PTPRG: variants seen among roughly 807,000 people sequenced by gnomAD.
The protein encoded by PTPRG is protein tyrosine phosphatase receptor type G, also known as receptor-type tyrosine-protein phosphatase gamma.
A neutral mutation model predicts 165.3 loss-of-function variants in PTPRG; 102 were observed. That is an observed-to-expected ratio of 0.62 (90% confidence interval 0.53 to 0.73). The LOEUF is 0.73. PTPRG is among the 30% of genes least tolerant of loss of function. PTPRG has a pLI of 0.00. For missense variants in PTPRG, 1,866 were observed against 1,861.4 expected (o/e 1.00, Z -0.05); for synonymous variants, 675 against 669.5 (o/e 1.01, Z -0.13).
At chr3:61,881,927 C>T (rs1391289437) in intron 2 of PTPRG, among the ~76,000 whole-genome samples, 1 of 152,186 alleles carries the variant, frequency 6.6e-6, no homozygotes, top group South Asian at 2.1e-4. Context: ...TCCTGCCCAA[C>T]TCTTTCAGTT....
chr3:62,178,654 C>T (rs1421230910), intron 8 of PTPRG, among the ~76,000 whole-genome samples: 1 of 152,188 alleles, frequency 6.6e-6, no homozygotes, highest in African/African-American at 2.4e-5. Context: ...CAGGCAGAAT[C>T]GGCTGTTATG....
At chr3:61,649,022 A>G (rs938375076) in intron 1 of PTPRG, among the ~76,000 whole-genome samples, 1 of 152,208 alleles carries the variant, frequency 6.6e-6, no homozygotes, top group Non-Finnish European at 1.5e-5. Flanking sequence ...GTTTATTACC[A>G]AGGTTAAAAA....
rs995959667 is a variant in PTPRG at position 62,273,357 on chromosome 3, CAT to C, written c.3318+277_3318+278del. 1.3e-5 allele frequency among the ~76,000 whole-genome samples: 2 copies of C among 152,096 alleles called. No individual in the cohort carries two copies. Among genetic ancestry groups the C allele is most frequent in the African/African-American group, 4.8e-5 (2 of 41,416 alleles). Reference sequence around the variant, plus strand: ...GTGTTAGATGGTAGGGGGAGTTAAACATGTTGTCTGGCCTGAGAAATACATAG... The same window carrying C: ...GTGTTAGATGGTAGGGGGAGTTAAACGTTGTCTGGCCTGAGAAATACATAG... On this transcript the variant is annotated intron_variant, in intron 22 of 29. Coordinates refer to ENST00000474889, the MANE Select transcript of PTPRG (RefSeq NM_002841.4). This position sits in a 1 kb window ranked among gnomAD's most constrained non-coding sequence, Gnocchi z 4.1.
intron 6 of PTPRG, among the ~76,000 whole-genome samples, chr3:62,140,680 C>T (rs142817371): frequency 1.3e-5 from 2 of 151,948 alleles, no homozygotes; most frequent in African/African-American, 4.8e-5. Context: ...AACCCCTTCT[C>T]TACTAAAAAT....
At chr3:61,773,653 TAAAG>T (rs1267638899) in intron 2 of PTPRG, among the ~76,000 whole-genome samples, 1 of 152,052 alleles carries the variant, frequency 6.6e-6, no homozygotes, top group African/African-American at 2.4e-5. Flanking sequence ...TTGAGGTTCA[TAAAG>T]AACTTGTCCA....
intron 2 of PTPRG, among the ~76,000 whole-genome samples, chr3:61,868,085 A>G (rs531433982): frequency 6.6e-6 from 1 of 152,250 alleles, no homozygotes; most frequent in East Asian, 1.9e-4. Context: ...CCCTCCCCAC[A>G]TTCTCCCTTA....
At chr3:62,132,800 G>C (rs1029668557) in intron 6 of PTPRG, 132 bp downstream of exon 6, 8 of 833,042 alleles carry the variant, frequency 9.6e-6, no homozygotes, top group Admixed American at 5.3e-5. Flanking sequence ...AAGGGCATTA[G>C]AGCCATTATA....
chr3:61,771,697 TA>T (rs1192027722), intron 2 of PTPRG, among the ~76,000 whole-genome samples: 5 of 152,136 alleles, frequency 3.3e-5, no homozygotes, highest in African/African-American at 1.2e-4. Flanking sequence ...TGGAACAATT[TA>T]AAAATATATC....
chr3:61,866,988 C>G (rs780453450), intron 2 of PTPRG, among the ~76,000 whole-genome samples: 6 of 152,120 alleles, frequency 3.9e-5, no homozygotes, highest in Non-Finnish European at 8.8e-5. Context: ...AAGGGTTTGA[C>G]AGGAGTTTCA....
chr3:61,836,248 T>C (rs1337069048), intron 2 of PTPRG, among the ~76,000 whole-genome samples: 1 of 152,176 alleles, frequency 6.6e-6, no homozygotes, highest in African/African-American at 2.4e-5. Context: ...GCCTTTGTTA[T>C]AGAACATAGC....
At chr3:61,989,920 C>A in intron 3 of PTPRG, 116 bp downstream of exon 3, 1 of 1,090,656 alleles carries the variant, frequency 9.2e-7, no homozygotes, top group Non-Finnish European at 1.3e-6. Context: ...TGTGGGGAGC[C>A]TAAATCAGTC....
chr3:62,161,992 AAT>A (rs2106714404), intron 7 of PTPRG, among the ~76,000 whole-genome samples: 1 of 152,254 alleles, frequency 6.6e-6, no homozygotes, highest in East Asian at 1.9e-4. Flanking sequence ...GGTTTTGTTT[AAT>A]TGCCATTATA....
rs1238194900 is a variant in PTPRG, at chr3:61,836,596, T to C, written c.190+87614T>C. Among the ~76,000 whole-genome samples the C allele has an allele frequency of 2.0e-5, 3 of 152,216 alleles. No individual in the cohort carries two copies. In the East Asian group the frequency reaches 5.8e-4, roughly 29 times the overall value. ...TTGACATCAAGGCCTGAACTAGGAA[T>C]ATCAGATAATAATATCTATTGCCAT... On this transcript the variant is annotated intron_variant, in intron 2 of 29. Transcript: ENST00000474889.
intron 7 of PTPRG, among the ~76,000 whole-genome samples, chr3:62,166,856 T>A (rs1216969297): frequency 6.6e-6 from 1 of 151,820 alleles, no homozygotes; most frequent in East Asian, 2.0e-4. Flanking sequence ...GCCCGGCTGA[T>A]TTGTGTATTT....
At chr3:62,024,217 G>A (rs978171345) in intron 4 of PTPRG, among the ~76,000 whole-genome samples, 1 of 152,058 alleles carries the variant, frequency 6.6e-6, no homozygotes, top group Non-Finnish European at 1.5e-5. Context: ...CTATTTTCTA[G>A]ATGTTCACTT....
chr3:61,589,979 G>C, intron 1 of PTPRG, among the ~76,000 whole-genome samples: 1 of 152,126 alleles, frequency 6.6e-6, no homozygotes, highest in Admixed American at 6.6e-5. Flanking sequence ...TGAGGAGTTA[G>C]GCCAGAGATG....
Position 61,561,858 on chromosome 3 carries a change from C to CGCGCT in PTPRG, c.-429_-425dup, listed in dbSNP as rs1559503544. The CGCGCT allele has an allele frequency of 1.3e-5, 2 of 154,052 alleles. No homozygotes were observed. Among genetic ancestry groups the CGCGCT allele is most frequent in the African/African-American group, 2.4e-5 (1 of 41,412 alleles). 9.5% of individuals were successfully genotyped at this position (154,052 alleles called of 1,614,324 possible). On this transcript the variant is annotated 5_prime_UTR_variant, in exon 1 of 30. The change abolishes the stop of an existing upstream ORF in the 5' untranslated region. Transcript: ENST00000474889. ...TGCCTGAAGCCCGGAGACGCCGCGCCGCGCTCAGCCCCGCCGCCGCCCGCC... is the reference window on the plus strand; with the variant it reads ...TGCCTGAAGCCCGGAGACGCCGCGCCGCGCTGCGCTCAGCCCCGCCGCCGCCCGCC...
chr3:61,887,970 A>G (rs771899071), intron 2 of PTPRG, among the ~76,000 whole-genome samples: 87 of 150,988 alleles, frequency 5.8e-4, no homozygotes, highest in Non-Finnish European at 1.1e-3. Flanking sequence ...GGATTAAAGT[A>G]AGTCCAAGTA....
intron 1 of PTPRG, among the ~76,000 whole-genome samples, chr3:61,686,264 G>T (rs1703629395): frequency 6.6e-6 from 1 of 152,176 alleles, no homozygotes; most frequent in South Asian, 2.1e-4. Flanking sequence ...CAACTTAATG[G>T]CTCTGCTGTC....
Sources: allele counts gnomAD v4.1 joint callset (sites outside exome capture counted in the v4.1 genomes callset), GRCh38; gene constraint gnomAD v4.1.1; non-coding constraint Gnocchi (gnomAD v3.1); transcripts MANE v1.5; gene names NCBI Gene and HGNC (gene_info 2026-07-23, HGNC 2026-07-21).